The following LEKR1 variants were observed in gnomAD, a reference collection of about 807,000 sequenced individuals.
The protein encoded by LEKR1 is leucine, glutamate and lysine rich 1.
A neutral mutation model predicts 72.4 loss-of-function variants in LEKR1; 59 were observed. That is an observed-to-expected ratio of 0.82 (90% CI 0.66 to 1.01). LEKR1 has a LOEUF of 1.01. LEKR1 is among the 50% of genes least tolerant of loss of function. The pLI is 0.00. For synonymous variants in LEKR1, 257 were observed against 263.2 expected, an observed-to-expected ratio of 0.98 and a Z score of 0.23; for missense variants, 728 against 759.2, an observed-to-expected ratio of 0.96 and a Z score of 0.48.
chr3:156,926,902 C>G (rs182510034), intron 4 of LEKR1, among the ~76,000 whole-genome samples: 9 of 151,832 alleles, frequency 5.9e-5, no homozygotes, highest in Non-Finnish European at 7.4e-5. Flanking sequence ...TAATTAAAAC[C>G]AGAATAAAAT....
chr3:156,987,888 T>C (rs1319435056), intron 7 of LEKR1, among the ~76,000 whole-genome samples: 2 of 152,212 alleles, frequency 1.3e-5, no homozygotes, highest in Non-Finnish European at 2.9e-5. Flanking sequence ...AAGGCAATCT[T>C]CAAGCAATTA....
At chr3:156,933,470 T>C (rs1038674839) in intron 5 of LEKR1, among the ~76,000 whole-genome samples, 3 of 152,188 alleles carry the variant, frequency 2.0e-5, no homozygotes, top group Admixed American at 2.0e-4. Flanking sequence ...ACACTTAGTA[T>C]TGTCAGTCTC....
chr3:157,030,135 T>C (rs975681396), intron 12 of LEKR1, among the ~76,000 whole-genome samples: 1 of 152,062 alleles, frequency 6.6e-6, no homozygotes, highest in Non-Finnish European at 1.5e-5. Flanking sequence ...GTGCATCACA[T>C]GGTGAGAGAG....
chr3:156,888,478 A>G lies in LEKR1; in HGVS notation c.264-32097A>G, dbSNP rs1191768406. On this transcript the variant is annotated intron_variant, in intron 3 of 12. Coordinates refer to ENST00000356539, the MANE Select transcript of LEKR1 (RefSeq NM_001004316.3). ...TATTTTTTTGAAATGAAGTCAATGG[A>G]TTTATTATGATACTAAGCCAGAAGA... is the stretch of plus-strand genomic sequence containing the variant. 5.9e-6 allele frequency: 4 copies of G among 678,868 alleles called. No individual in the cohort carries two copies. The Admixed American group carries it at 6.1e-5, about 10-fold the overall frequency. The allele number at this position is 678,868 out of a possible 1,614,324, so 42.1% of individuals were successfully genotyped here.
intron 6 of LEKR1, among the ~76,000 whole-genome samples, chr3:156,973,622 G>A (rs1729440181): frequency 6.6e-6 from 1 of 152,104 alleles, no homozygotes; most frequent in South Asian, 2.1e-4. Flanking sequence ...TTTTGAAATT[G>A]CCAATATAGA....
chr3:156,961,187 A>G (rs547514127), intron 6 of LEKR1, among the ~76,000 whole-genome samples: 28 of 152,254 alleles, frequency 1.8e-4, no homozygotes, highest in Non-Finnish European at 3.1e-4. Flanking sequence ...GCTGTTCAGT[A>G]TAGTAAATAA....
At chr3:156,927,876 C>A (rs1351050172) in intron 5 of LEKR1, among the ~76,000 whole-genome samples, 2 of 152,044 alleles carry the variant, frequency 1.3e-5, no homozygotes, top group East Asian at 3.9e-4. Context: ...TAAAACTCCT[C>A]TTCTCTTAAT....
intron 2 of LEKR1, among the ~76,000 whole-genome samples, chr3:156,835,093 C>T (rs1712931151): frequency 6.6e-6 from 1 of 152,086 alleles, no homozygotes; most frequent in Admixed American, 6.5e-5. Flanking sequence ...TTTCTATTTC[C>T]TATTTTAGAC....
intron 3 of LEKR1, among the ~76,000 whole-genome samples, chr3:156,867,742 T>G (rs931445705): frequency 6.6e-6 from 1 of 152,098 alleles, no homozygotes; most frequent in Non-Finnish European, 1.5e-5. Context: ...CTTTTAAATA[T>G]GTCACTATCT....
chr3:156,846,904 C>T (rs1266063587), intron 2 of LEKR1, among the ~76,000 whole-genome samples: 1 of 152,144 alleles, frequency 6.6e-6, no homozygotes, highest in Non-Finnish European at 1.5e-5. Flanking sequence ...CCTCTGCCTC[C>T]TGGGCTCAAG....
chr3:156,964,734 T>G (rs2107986445), intron 6 of LEKR1, among the ~76,000 whole-genome samples: 1 of 152,270 alleles, frequency 6.6e-6, no homozygotes, highest in Admixed American at 6.5e-5. Flanking sequence ...TTGCACAGAA[T>G]TAGCCCTGCG....
At chr3:156,927,290 A>G (rs1257436589) in intron 4 of LEKR1, 139 bp from the exon 5 acceptor site, 2 of 250,458 alleles carry the variant, frequency 8.0e-6, no homozygotes, top group African/African-American at 4.7e-5. Context: ...TCAGCATAAT[A>G]TGAATACCAC....
At chr3:156,898,945 GC>G (rs767683938) in intron 3 of LEKR1, among the ~76,000 whole-genome samples, 46 of 152,112 alleles carry the variant, frequency 3.0e-4, no homozygotes, top group Non-Finnish European at 6.0e-4. Flanking sequence ...AAAACATGTT[GC>G]ATAGAGCCTT....
chr3:156,876,418 T>C (rs1184518782), intron 3 of LEKR1, among the ~76,000 whole-genome samples: 1 of 152,210 alleles, frequency 6.6e-6, no homozygotes, highest in African/African-American at 2.4e-5. Flanking sequence ...GGATTGCTTT[T>C]GGCAGTATGG....
At chr3:156,849,768 T>A (rs1179083299) in intron 2 of LEKR1, among the ~76,000 whole-genome samples, 2 of 152,180 alleles carry the variant, frequency 1.3e-5, no homozygotes, top group Non-Finnish European at 2.9e-5. Context: ...CAAGATGGAT[T>A]AAAGACTTAC....
Position 156,852,923 on chromosome 3 carries a change from G to C in LEKR1, c.204G>C (p.Leu68=). 6.7e-7 allele frequency: 1 copy of C among 1,488,356 alleles called. No individual in the cohort carries two copies. The highest frequency in any genetic ancestry group is 1.2e-5 in the South Asian group (1 of 82,370). The allele number at this position is 1,488,356 out of a possible 1,614,324, so 92.2% of individuals were successfully genotyped here. A position where few individuals can be genotyped will look rare whatever the true frequency, so the allele number is the denominator to read the frequency against. The change falls in exon 3 of 13, where the codon CTG becomes CTC. Residue 68 remains leucine (L), a synonymous_variant. Transcript: ENST00000356539. The part of the protein sequence containing the change: ...VDREKRLQEK[L]HSLSQELEQY... ...GTGAAAAGAGACTTCAAGAAAAGCTGCATTCTCTTAGCCAAGAACTTGAAC... is the reference window on the plus strand; with the variant it reads ...GTGAAAAGAGACTTCAAGAAAAGCTCCATTCTCTTAGCCAAGAACTTGAAC...
rs1331404148 is a variant in LEKR1 at position 156,858,321 on chromosome 3, G to A, written c.263+5339G>A. Among the ~76,000 whole-genome samples, 3 of 152,096 alleles carry A rather than the reference G, an allele frequency of 2.0e-5. No individual in the cohort carries two copies. In the East Asian group the frequency reaches 5.8e-4, roughly 29 times the overall value. On this transcript the variant is annotated intron_variant, in intron 3 of 12. Transcript: ENST00000356539. ...AAAATAAACAAATTTGTCTATTTTG[G>A]CCTTTTTAAAGAACCAGATTTTTGT...
At chr3:156,940,200 A>G (rs1278375977) in intron 5 of LEKR1, among the ~76,000 whole-genome samples, 6 of 152,150 alleles carry the variant, frequency 3.9e-5, no homozygotes, top group Non-Finnish European at 7.4e-5. Context: ...TTATGGGGGA[A>G]ATAGAAATGA....
intron 3 of LEKR1, among the ~76,000 whole-genome samples, chr3:156,903,911 C>T (rs1425559913): frequency 6.6e-6 from 1 of 152,076 alleles, no homozygotes. Flanking sequence ...GGTCATAGAA[C>T]ATGGAAACTT....
Sources: gnomAD v4.1 joint callset for allele counts (sites outside exome capture counted in the v4.1 genomes callset) on GRCh38, gnomAD v4.1.1 for gene constraint, MANE v1.5 for transcripts, NCBI Gene and HGNC (gene_info 2026-07-23, HGNC 2026-07-21) for gene names.